Variants in SLC35D4 observed in about 807,000 individuals in gnomAD.
SLC35D4 encodes solute carrier family 35 member D4.
chr18:23,317,781 C>G, the SLC35D4 span, among the ~76,000 whole-genome samples: 64 of 152,074 alleles, frequency 4.2e-4, no homozygotes, highest in African/African-American at 1.5e-3. Context: ...CGCTCTGTCC[C>G]CCAGGCTGCA....
the SLC35D4 span, among the ~76,000 whole-genome samples, chr18:23,379,457 C>G: frequency 6.6e-6 from 1 of 152,082 alleles, no homozygotes; most frequent in Non-Finnish European, 1.5e-5. Flanking sequence ...TAACCAAAAC[C>G]TCAACAGCCT....
the SLC35D4 span, among the ~76,000 whole-genome samples, chr18:23,363,575 C>T: frequency 6.6e-6 from 1 of 151,728 alleles, no homozygotes; most frequent in Non-Finnish European, 1.5e-5. Flanking sequence ...GGGGTTTCAC[C>T]GTGTTAGCCA....
chr18:23,411,575 A>T, the SLC35D4 span, among the ~76,000 whole-genome samples: 2 of 151,080 alleles, frequency 1.3e-5, no homozygotes. Flanking sequence ...AGGGTCTCCC[A>T]GCAACTCCTA....
At chr18:23,391,708 G>A in the SLC35D4 span, among the ~76,000 whole-genome samples, 2 of 151,786 alleles carry the variant, frequency 1.3e-5, no homozygotes, top group Admixed American at 6.6e-5. Context: ...GGCTGGTCTC[G>A]AACTCCTGGG....
At chr18:23,328,765 A>T in the SLC35D4 span, among the ~76,000 whole-genome samples, 2 of 152,240 alleles carry the variant, frequency 1.3e-5, no homozygotes, top group Admixed American at 6.5e-5. Context: ...CTAAGCCAAA[A>T]GAACAAAGCT....
chr18:23,280,453 C>G, the SLC35D4 span, among the ~76,000 whole-genome samples: 7 of 152,232 alleles, frequency 4.6e-5, no homozygotes, highest in African/African-American at 1.7e-4. Context: ...GTCAGAGTGG[C>G]TTCCTCTACC....
the SLC35D4 span, chr18:23,257,891 T>G: frequency 1.3e-5 from 2 of 152,404 alleles, no homozygotes; most frequent in Non-Finnish European, 2.9e-5. Context: ...TGCAAGTGTC[T>G]GAGAGATACT....
the SLC35D4 span, among the ~76,000 whole-genome samples, chr18:23,406,977 C>T: frequency 6.6e-6 from 1 of 151,944 alleles, no homozygotes; most frequent in Non-Finnish European, 1.5e-5. Flanking sequence ...TGCTAATTAC[C>T]TTATTTTATT....
chr18:23,289,075 A>C, the SLC35D4 span, among the ~76,000 whole-genome samples: 11 of 152,122 alleles, frequency 7.2e-5, no homozygotes, highest in South Asian at 2.1e-3. Flanking sequence ...ACTGTGCCCC[A>C]AAAAACTTGT....
At chr18:23,320,865 T>G in the SLC35D4 span, among the ~76,000 whole-genome samples, 1 of 152,174 alleles carries the variant, frequency 6.6e-6, no homozygotes, top group South Asian at 2.1e-4. Context: ...GCAACTGTCT[T>G]TAGGGGAAGA....
At chr18:23,408,644 T>C in the SLC35D4 span, among the ~76,000 whole-genome samples, 1 of 152,190 alleles carries the variant, frequency 6.6e-6, no homozygotes, top group Non-Finnish European at 1.5e-5. Context: ...ATGGGGAATC[T>C]AACAATTTCA....
At chr18:23,435,976 C>T in the SLC35D4 span, among the ~76,000 whole-genome samples, 43,313 of 151,270 alleles carry the variant, frequency 0.29, 6,905 homozygotes, top group Non-Finnish European at 0.36. Flanking sequence ...GATTACAGGC[C>T]TGAGCCACTG....
chr18:23,300,502 A>T, the SLC35D4 span, among the ~76,000 whole-genome samples: 1 of 152,210 alleles, frequency 6.6e-6, no homozygotes, highest in African/African-American at 2.4e-5. Context: ...AAAATGCTGG[A>T]GTATAATAAC....
the SLC35D4 span, among the ~76,000 whole-genome samples, chr18:23,283,903 C>T: frequency 6.6e-6 from 1 of 151,952 alleles, no homozygotes; most frequent in South Asian, 2.1e-4. Context: ...ATAGTTACTT[C>T]TTGATTATAT....
At chr18:23,328,526 T>C in the SLC35D4 span, among the ~76,000 whole-genome samples, 2 of 152,178 alleles carry the variant, frequency 1.3e-5, no homozygotes, top group Non-Finnish European at 2.9e-5. Flanking sequence ...CAAGGAGAAC[T>C]ACATACCACT....
the SLC35D4 span, among the ~76,000 whole-genome samples, chr18:23,414,179 G>C: frequency 4.0e-5 from 6 of 151,846 alleles, no homozygotes; most frequent in African/African-American, 1.2e-4. Flanking sequence ...CGCTTGAACA[G>C]GGCAGCAGAG....
the SLC35D4 span, chr18:23,258,235 A>G: frequency 1.6e-4 from 24 of 152,592 alleles, no homozygotes; most frequent in Admixed American, 7.9e-4. Context: ...TCCACTGTGG[A>G]GATGGCTGGG....
At chr18:23,247,982 G>A in the SLC35D4 span, among the ~76,000 whole-genome samples, 4 of 152,306 alleles carry the variant, frequency 2.6e-5, no homozygotes, top group South Asian at 2.1e-4. Context: ...ATTTTTCCCC[G>A]CCTCTCTGTC....
At chr18:23,389,666 G>C in the SLC35D4 span, among the ~76,000 whole-genome samples, 1 of 152,132 alleles carries the variant, frequency 6.6e-6, no homozygotes, top group South Asian at 2.1e-4. Flanking sequence ...ACTCTGCCGA[G>C]TAGGTGGGAT....
Sources: gnomAD v4.1 joint callset for allele counts (sites outside exome capture counted in the v4.1 genomes callset) on GRCh38, gnomAD v4.1.1 for gene constraint, MANE v1.5 for transcripts, NCBI Gene and HGNC (gene_info 2026-07-23, HGNC 2026-07-21) for gene names.